The following PRKG1 variants were observed in gnomAD, a reference collection of about 807,000 sequenced individuals.
The protein encoded by PRKG1 is protein kinase cGMP-dependent 1.
Under a neutral mutation model 88.1 loss-of-function variants are expected in PRKG1, and 35 were observed. The ratio of observed to expected loss-of-function variants is 0.40; its 90% CI spans 0.30 to 0.53. The LOEUF (loss-of-function observed/expected upper bound fraction) is 0.53, where lower values mean the gene tolerates loss of function less well. Ranked by LOEUF, PRKG1 falls within the 20% of genes least tolerant of loss-of-function variation. The probability of loss-of-function intolerance (pLI) is 0.59; values close to 1 mark genes in which losing one functional copy is unlikely to be tolerated. For missense variants in PRKG1, 540 were observed against 839.8 expected, an observed-to-expected ratio of 0.64 and a Z score of 4.41; for synonymous variants, 303 against 292.5, an observed-to-expected ratio of 1.04 and a Z score of -0.37.
At chr10:51,123,861 C>T (rs927584556) in intron 1 of PRKG1, among the ~76,000 whole-genome samples, 2 of 152,036 alleles carry the variant, frequency 1.3e-5, no homozygotes, top group Non-Finnish European at 2.9e-5. Flanking sequence ...GAGGCAGGCA[C>T]TTCACGTGGT....
chr10:51,000,859 G>A (rs756935901), intron 1 of PRKG1, among the ~76,000 whole-genome samples: 2 of 152,112 alleles, frequency 1.3e-5, no homozygotes, highest in South Asian at 2.1e-4. Flanking sequence ...GGAATGAAAT[G>A]GATTGTTCTC....
intron 3 of PRKG1, among the ~76,000 whole-genome samples, chr10:51,609,532 T>C (rs1838849643): frequency 1.3e-5 from 2 of 152,138 alleles, no homozygotes. Context: ...CAAAGATACA[T>C]GCACACATAT....
At chr10:51,871,371 C>A (rs1416381114) in intron 4 of PRKG1, among the ~76,000 whole-genome samples, 1 of 152,188 alleles carries the variant, frequency 6.6e-6, no homozygotes, top group Admixed American at 6.5e-5. Flanking sequence ...TGTGATCCCA[C>A]GTCTTCTTGC....
intron 3 of PRKG1, among the ~76,000 whole-genome samples, chr10:51,562,503 T>C (rs1229241700): frequency 6.6e-6 from 1 of 152,126 alleles, no homozygotes; most frequent in African/African-American, 2.4e-5. Context: ...CTTTGTGTTA[T>C]AAGGTAGAGG....
chr10:51,173,136 T>G (rs1837089152), intron 2 of PRKG1, among the ~76,000 whole-genome samples: 1 of 152,020 alleles, frequency 6.6e-6, no homozygotes, highest in South Asian at 2.1e-4. Context: ...ACATCTAGAA[T>G]TATCTTCTTA....
rs113863558 is a variant in PRKG1, at chr10:51,737,528, C to G, written c.593-67057C>G. 8.5e-3 allele frequency among the ~76,000 whole-genome samples: 1,300 copies of G among 152,078 alleles called. 15 individuals are homozygous for G. The highest frequency in any genetic ancestry group is 0.03 in the African/African-American group (1,226 of 41,480). On this transcript the variant is annotated intron_variant, in intron 3 of 17. Coordinates refer to ENST00000373980, the MANE Select transcript of PRKG1 (RefSeq NM_006258.4). ...CCATTACATAAAGGGGTAGGTTTCA[C>G]TGGTGTCGAAGGAATGACTGGATGT...
intron 2 of PRKG1, among the ~76,000 whole-genome samples, chr10:51,168,822 C>G (rs905779552): frequency 3.3e-5 from 5 of 152,142 alleles, no homozygotes; most frequent in Admixed American, 2.6e-4. Context: ...AAATCTAGTG[C>G]AAATAGCCAA....
intron 2 of PRKG1, among the ~76,000 whole-genome samples, chr10:51,440,667 T>C (rs980838396): frequency 4.6e-5 from 7 of 151,978 alleles, no homozygotes; most frequent in Admixed American, 3.3e-4. Context: ...AATTCTGTCA[T>C]GGTAACTTTA....
chr10:51,558,784 C>T (rs921248334), intron 3 of PRKG1, among the ~76,000 whole-genome samples: 14 of 152,150 alleles, frequency 9.2e-5, no homozygotes, highest in Non-Finnish European at 1.8e-4. Context: ...CTTAAACTGA[C>T]GTGTAGACAA....
chr10:51,130,655 C>G (rs1589178262), intron 1 of PRKG1, among the ~76,000 whole-genome samples: 1 of 152,058 alleles, frequency 6.6e-6, no homozygotes. Context: ...ATAATCCTAG[C>G]ACTTTGGGAG....
At chr10:51,387,701 A>G (rs1410529870) in intron 2 of PRKG1, among the ~76,000 whole-genome samples, 1 of 152,146 alleles carries the variant, frequency 6.6e-6, no homozygotes, top group African/African-American at 2.4e-5. Flanking sequence ...AAATTATTTC[A>G]TGTAGTTTGC....
intron 3 of PRKG1, among the ~76,000 whole-genome samples, chr10:51,583,946 AT>A (rs1430199538): frequency 3.3e-5 from 5 of 152,070 alleles, no homozygotes; most frequent in Non-Finnish European, 7.4e-5. Context: ...GGCTTTGCAA[AT>A]CTTTCGATGG....
intron 3 of PRKG1, among the ~76,000 whole-genome samples, chr10:51,535,930 T>C (rs1462503708): frequency 1.3e-5 from 2 of 151,920 alleles, no homozygotes; most frequent in Non-Finnish European, 2.9e-5. Context: ...ACCATATTGG[T>C]CAGGCTGGTC....
chr10:51,680,320 C>A (rs938647687), intron 3 of PRKG1, among the ~76,000 whole-genome samples: 3 of 151,594 alleles, frequency 2.0e-5, no homozygotes, highest in African/African-American at 7.3e-5. Context: ...ACCCCAAAAT[C>A]TTTGTAAAGG....
chr10:51,905,512 A>G (rs1329289282), intron 4 of PRKG1, among the ~76,000 whole-genome samples: 1 of 152,186 alleles, frequency 6.6e-6, no homozygotes, highest in Non-Finnish European at 1.5e-5. Context: ...CTCCATTCAG[A>G]TATTAAGCTA....
At chr10:51,866,119 C>T (rs980785056) in intron 4 of PRKG1, among the ~76,000 whole-genome samples, 2 of 151,824 alleles carry the variant, frequency 1.3e-5, no homozygotes, top group African/African-American at 4.8e-5. Context: ...ATGTTGTATT[C>T]ATATGAAAAC....
intron 1 of PRKG1, among the ~76,000 whole-genome samples, chr10:51,004,686 A>G (rs1299659543): frequency 2.0e-5 from 3 of 152,124 alleles, no homozygotes; most frequent in Admixed American, 6.5e-5. Flanking sequence ...TCAGGTTTAT[A>G]AAGTCCATAT....
At chr10:51,935,103 C>G (rs1242067228) in intron 5 of PRKG1, among the ~76,000 whole-genome samples, 1 of 152,086 alleles carries the variant, frequency 6.6e-6, no homozygotes, top group Non-Finnish European at 1.5e-5. Flanking sequence ...CATGGGGTAG[C>G]TTGGCTATAG....
intron 8 of PRKG1, among the ~76,000 whole-genome samples, chr10:52,152,784 A>G (rs1051901230): frequency 2.4e-4 from 36 of 152,202 alleles, no homozygotes; most frequent in Admixed American, 1.3e-3. Flanking sequence ...GTTGAGACCC[A>G]AAGATAATAT....
Sources: allele counts gnomAD v4.1 joint callset (sites outside exome capture counted in the v4.1 genomes callset), GRCh38; gene constraint gnomAD v4.1.1; transcripts MANE v1.5; gene names NCBI Gene and HGNC (gene_info 2026-07-23, HGNC 2026-07-21).